Variants in MGAM observed in about 807,000 individuals in gnomAD.
MGAM encodes alpha-1,4-glucosidase.
MGAM carries 253 observed loss-of-function variants against 358.8 expected under a neutral mutation model. The ratio of observed to expected loss-of-function variants is 0.71; its 90% CI spans 0.64 to 0.78. The LOEUF (loss-of-function observed/expected upper bound fraction) is 0.78. MGAM is among the 30% of genes least tolerant of loss of function. The probability of loss-of-function intolerance (pLI) is 0.00; values close to 1 mark genes in which losing one functional copy is unlikely to be tolerated. For synonymous variants in MGAM, 1,105 were observed against 1,227.1 expected (o/e 0.90, Z 2.08); for missense variants, 3,080 against 3,432.6 (o/e 0.90, Z 2.57).
intron 21 of MGAM, among the ~76,000 whole-genome samples, chr7:142,042,376 T>C (rs1381905143): frequency 8.0e-4 from 3 of 3,762 alleles, no homozygotes; most frequent in Non-Finnish European, 1.2e-3. Flanking sequence ...ATATAATATA[T>C]AACATATATT....
At chr7:142,041,949 CA>C (rs1808707419) in intron 21 of MGAM, among the ~76,000 whole-genome samples, 1 of 11,066 alleles carries the variant, frequency 9.0e-5, no homozygotes, top group African/African-American at 3.3e-4. Context: ...TATATATATA[CA>C]TATATATAAT....
rs1307185439 is a variant in MGAM, at chr7:142,027,299, T to C, written c.1095+72T>C. 3.3e-6 allele frequency: 4 copies of C among 1,228,146 alleles called. No individual in the cohort carries two copies. In the Admixed American group the frequency reaches 7.3e-5, roughly 22 times the overall value. The allele number at this position is 1,228,146 out of a possible 1,614,324, so 76.1% of individuals were successfully genotyped here. On this transcript the variant is annotated intron_variant, in intron 9 of 70. Transcript: ENST00000475668. ...AAATATTTTAAAAAAGTAAAATTCATGTGCAAGTGTGACCCACAAAATCTG... is the reference window on the plus strand; with the variant it reads ...AAATATTTTAAAAAAGTAAAATTCACGTGCAAGTGTGACCCACAAAATCTG...
chr7:142,020,603 ATT>A (rs35169560), intron 4 of MGAM, among the ~76,000 whole-genome samples: 8 of 132,610 alleles, frequency 6.0e-5, no homozygotes, highest in South Asian at 2.4e-4. Context: ...ATATATATAT[ATT>A]TTTTTTTTTT....
chr7:142,041,420 A>T (rs753444216), intron 21 of MGAM, among the ~76,000 whole-genome samples: 8 of 151,970 alleles, frequency 5.3e-5, no homozygotes, highest in Admixed American at 2.0e-4. Flanking sequence ...ACTTTTTATG[A>T]TACTAATGGA....
At chr7:142,023,817 G>A (rs1461390685) in intron 7 of MGAM, among the ~76,000 whole-genome samples, 14 of 152,210 alleles carry the variant, frequency 9.2e-5, no homozygotes, top group Non-Finnish European at 1.5e-5. Flanking sequence ...CCTAGGAATA[G>A]TTGGTGACAG....
At position 142,044,166 on chromosome 7, in the gene MGAM, A is replaced by AAATTATATACACATACGACGTATAATATG. The variant is rs1563153324; in HGVS notation, c.2498+3320_2498+3321insAATTATATACACATACGACGTATAATATG. Among the ~76,000 whole-genome samples the AAATTATATACACATACGACGTATAATATG allele has an allele frequency of 6.4e-4, 47 of 73,838 alleles. 6 individuals carry two copies. The highest frequency in any genetic ancestry group is 1.7e-3 in the African/African-American group (44 of 25,980). The allele number at this position is 73,838 out of a possible 152,430, so 48.4% of individuals were successfully genotyped here. On this transcript the variant is annotated intron_variant, in intron 21 of 70. Transcript: ENST00000475668. ...TATATACACATACGACGTATAATAT[A>AAATTATATACACATACGACGTATAATATG]TACATTATATACACATACGACATAT...
At chr7:142,052,754 C>T in intron 25 of MGAM, 30 bp from the exon 26 acceptor site, 2 of 1,611,140 alleles carry the variant, frequency 1.2e-6, no homozygotes, top group Non-Finnish European at 1.7e-6. Flanking sequence ...ACATGCTGTG[C>T]TGATCTATGA....
chr7:141,999,394 A>G (rs782055518), intron 1 of MGAM, among the ~76,000 whole-genome samples: 1 of 152,224 alleles, frequency 6.6e-6, no homozygotes, highest in Non-Finnish European at 1.5e-5. Flanking sequence ...GCATTATAGC[A>G]TAGAATACAG....
chr7:141,994,002 A>T (rs1804056558), upstream of MGAM, among the ~76,000 whole-genome samples: 1 of 152,088 alleles, frequency 6.6e-6, no homozygotes, highest in African/African-American at 2.4e-5. Flanking sequence ...CAGCCTCATG[A>T]GTAGCTGGGA....
chr7:142,096,985 G>A (rs1157428576), intron 65 of MGAM, among the ~76,000 whole-genome samples: 1 of 150,764 alleles, frequency 6.6e-6, no homozygotes, highest in African/African-American at 2.4e-5. Flanking sequence ...CTGGAGTGCA[G>A]TGGTGCTATG....
Position 142,078,882 on chromosome 7 carries a change from C to T in MGAM, c.5721C>T (p.Asn1907=), listed in dbSNP as rs771830354. 32 of 1,555,608 alleles carry T rather than the reference C, an allele frequency of 2.1e-5. 8 individuals carry two copies. Among genetic ancestry groups the T allele is most frequent in the South Asian group, 4.5e-5 (4 of 89,178 alleles). The change falls in exon 49 of 71, where the codon AAC becomes AAT. Residue 1907 remains asparagine, a synonymous_variant. Coordinates refer to ENST00000475668, the MANE Select transcript of MGAM (RefSeq NM_001365693.1). ...DLYSVSDVQY[N]SHGATADISL... ...ACTCTGTCAGTGATGTTCAGTATAA[C>T]TCCCATGGGGCCACAGCTGACATCT...
chr7:142,060,295 G>T lies in MGAM; in HGVS notation c.4060-16G>T, dbSNP rs764599119. The stretch of plus-strand genomic sequence containing the variant: ...ATTGTCTAGTGCATCGCTACTGAAC[G>T]TATTTCTCTCCATAGGTCTGGCCTG... On this transcript the variant is annotated splice_polypyrimidine_tract_variant and intron_variant, in intron 33 of 70. Transcript: ENST00000475668. 4 of 1,613,242 alleles carry T rather than the reference G, an allele frequency of 2.5e-6. No individual in the cohort carries two copies. In the South Asian group the frequency reaches 4.4e-5, roughly 18 times the overall value.
At chr7:142,024,070 C>CA (rs1396722107) in intron 7 of MGAM, among the ~76,000 whole-genome samples, 1 of 151,772 alleles carries the variant, frequency 6.6e-6, no homozygotes, top group Non-Finnish European at 1.5e-5. Context: ...ACTAAAAATA[C>CA]AAAAAATTAG....
intron 8 of MGAM, 106 bp downstream of exon 8, chr7:142,025,255 A>G (rs1806847823): frequency 1.2e-6 from 1 of 808,912 alleles, no homozygotes; most frequent in South Asian, 1.6e-5. Flanking sequence ...ACTGAGCCAT[A>G]GTGTAGGGAG....
chr7:142,104,053 T>G (rs1377659060), intron 70 of MGAM, among the ~76,000 whole-genome samples: 2 of 152,066 alleles, frequency 1.3e-5, no homozygotes, highest in Non-Finnish European at 2.9e-5. Flanking sequence ...AGGTTTTCAC[T>G]GTGTTAGCCA....
At position 142,059,540 on chromosome 7, in the gene MGAM, T is replaced by C. The variant is rs2961074; in HGVS notation, c.3888T>C (p.Ala1296=). 529,936 of 1,568,166 alleles carry C rather than the reference T, an allele frequency of 0.34. 99,575 individuals carry two copies. The highest frequency in any genetic ancestry group is 0.37 in the Non-Finnish European group (419,068 of 1,144,638). Residue 1296 remains alanine (A), a synonymous_variant, in exon 32 of 71, where the codon GCT becomes GCC. Transcript: ENST00000475668. ...ACTTCACCCTCAGCCCCAAGTTTGC[T>C]GGGTTTCCAGCTCTGATCAATCGCA... The part of the protein sequence containing the change: ...QLDFTLSPKF[A]GFPALINRMK...
At chr7:142,006,026 A>G (rs550785084) in intron 2 of MGAM, among the ~76,000 whole-genome samples, 1 of 152,202 alleles carries the variant, frequency 6.6e-6, no homozygotes, top group South Asian at 2.1e-4. Flanking sequence ...ATAGAAATAA[A>G]AAGAAAGCTA....
chr7:142,106,574 G>A lies in MGAM; in HGVS notation c.*683G>A, dbSNP rs963798009. On this transcript the variant is annotated 3_prime_UTR_variant, in exon 71 of 71. Transcript: ENST00000475668. Reference sequence around the variant, plus strand: ...AGCATAAAGGGCTACTGGTGAGATTGAGATCTGAGCAGGCAAAGCTCAAAA... The same window carrying A: ...AGCATAAAGGGCTACTGGTGAGATTAAGATCTGAGCAGGCAAAGCTCAAAA... The A allele has an allele frequency of 1.3e-5, 2 of 152,208 alleles. No individual in the cohort carries two copies. Among genetic ancestry groups the A allele is most frequent in the African/African-American group, 4.8e-5 (2 of 41,450 alleles). 9.4% of individuals were successfully genotyped at this position (152,208 alleles called of 1,614,324 possible).
intron 44 of MGAM, 138 bp downstream of exon 44, chr7:142,071,256 T>G: frequency 8.8e-7 from 1 of 1,132,794 alleles, no homozygotes; most frequent in Non-Finnish European, 1.2e-6. Flanking sequence ...GTTTTGTTGT[T>G]TGTGTGTTAA....
Sources: gnomAD v4.1 joint callset for allele counts (sites outside exome capture counted in the v4.1 genomes callset) on GRCh38, gnomAD v4.1.1 for gene constraint, MANE v1.5 for transcripts, NCBI Gene and HGNC (gene_info 2026-07-23, HGNC 2026-07-21) for gene names.